Variants in OR4A5 observed in about 807,000 individuals in gnomAD.
OR4A5 encodes the protein olfactory receptor family 4 subfamily A member 5.
For synonymous variants in OR4A5, 245 were observed against 138.5 expected (o/e 1.77, Z -5.40); for missense variants, 684 against 381.6 (o/e 1.79, Z -6.60).
chr11:54,707,282 T>G lies in OR4A5; in HGVS notation c.398T>G (p.Ile133Ser), dbSNP rs374446240. The change falls in exon 1 of 1, where the codon ATC becomes AGC. Residue 133 changes from isoleucine to serine, a missense_variant. Ile to Ser is a moderately radical substitution (Grantham distance 142). Transcript: ENST00000319760. The part of the protein sequence containing the change: ...AICKPLHYLT[I>S]MNRQVCFLLL... Reference sequence around the variant, plus strand: ...TGTAAGCCACTGCACTATTTGACCATCATGAATCGACAGGTTTGCTTCCTT... The same window carrying G: ...TGTAAGCCACTGCACTATTTGACCAGCATGAATCGACAGGTTTGCTTCCTT... The G allele has an allele frequency of 1.2e-6, 2 of 1,613,656 alleles. No homozygotes were observed. The highest frequency in any genetic ancestry group is 2.7e-5 in the African/African-American group (2 of 74,920).
At position 54,707,611 on chromosome 11, in the gene OR4A5, GTTGTT is replaced by G; in HGVS notation, c.728_732del (p.Val243GlyfsTer13). ...GTCTACCTGCAGCTCCGGCAGTACC[GTTGTT>G]GTCCTCTTTTTTGTACCCTGTATTT... is the stretch of plus-strand genomic sequence containing the variant. On this transcript the variant is annotated frameshift_variant, in exon 1 of 1. Transcript: ENST00000319760. LOFTEE classifies it low-confidence loss of function (END_TRUNC). The G allele has an allele frequency of 1.2e-6, 2 of 1,612,272 alleles. No individual in the cohort carries two copies. Among genetic ancestry groups the G allele is most frequent in the South Asian group, 2.2e-5 (2 of 90,870 alleles).
chr11:54,707,489 C>A lies in OR4A5; in HGVS notation c.605C>A (p.Ala202Glu), dbSNP rs772948435. The A allele has an allele frequency of 7.4e-6, 12 of 1,613,390 alleles. No homozygotes were observed. The highest frequency in any genetic ancestry group is 1.6e-4 in the Middle Eastern group (1 of 6,078). The change falls in exon 1 of 1, where the codon GCA becomes GAA. Residue 202 changes from alanine (A) to glutamate (E), a missense_variant. Coordinates refer to ENST00000319760, the MANE Select transcript of OR4A5 (RefSeq NM_001005272.3). The stretch of plus-strand genomic sequence containing the variant: ...CTCACTGTTGTTGTCAATAGTGGAG[C>A]AATCTGTATGGTCATTTTCAACCTT... ...IGLTVVVNSG[A>E]ICMVIFNLLL...
At position 54,707,442 on chromosome 11, in the gene OR4A5, C is replaced by T. The variant is rs773036525; in HGVS notation, c.558C>T (p.Cys186=). 3 of 1,613,460 alleles carry T rather than the reference C, an allele frequency of 1.9e-6. No homozygotes were observed. The highest frequency in any genetic ancestry group is 1.7e-6 in the Non-Finnish European group (2 of 1,179,834). Residue 186 remains cysteine (C), a synonymous_variant, in exon 1 of 1, where the codon TGC becomes TGT. Transcript: ENST00000319760. The stretch of plus-strand genomic sequence containing the variant: ...TGCACCCATTACTGGAACTGGCATG[C>T]ACTGACACCTACTTTATAGGCCTCA... ...CDMHPLLELA[C]TDTYFIGLTV...
chr11:54,707,421 C>T lies in OR4A5; in HGVS notation c.537C>T (p.His179=). Residue 179 remains histidine, a synonymous_variant, in exon 1 of 1, where the codon CAC becomes CAT. Coordinates refer to ENST00000319760, the MANE Select transcript of OR4A5 (RefSeq NM_001005272.3). The part of the protein sequence containing the change: ...NVIVHFSCDM[H]PLLELACTDT... ...TTGTTCATTTCAGTTGTGACATGCA[C>T]CCATTACTGGAACTGGCATGCACTG... 6.2e-7 allele frequency: 1 copy of T among 1,613,472 alleles called. No individual in the cohort carries two copies. The highest frequency in any genetic ancestry group is 1.7e-4 in the Middle Eastern group (1 of 6,056).
Position 54,706,909 on chromosome 11 carries a change from G to A in OR4A5, c.25G>A (p.Glu9Lys), listed in dbSNP as rs575024810. 16 of 1,609,792 alleles carry A rather than the reference G, an allele frequency of 9.9e-6. No homozygotes were observed. In the South Asian group the frequency reaches 1.7e-4, roughly 17 times the overall value. MRQNNNITEFVLLGFSQDP... is the reference protein window; with the variant it reads MRQNNNITKFVLLGFSQDP... Reference sequence around the variant, plus strand: ...AATGAGACAGAATAACAATATTACAGAATTTGTCCTCCTGGGCTTTTCTCA... The same window carrying A: ...AATGAGACAGAATAACAATATTACAAAATTTGTCCTCCTGGGCTTTTCTCA... The change falls in exon 1 of 1, where the codon GAA becomes AAA. Residue 9 changes from glutamate (E) to lysine (K), a missense_variant. Transcript: ENST00000319760.
At position 54,707,823 on chromosome 11, in the gene OR4A5, C is replaced by T. The variant is rs1413190152; in HGVS notation, c.939C>T (p.Val313=). 3.5e-6 allele frequency: 5 copies of T among 1,443,966 alleles called. No homozygotes were observed. The highest frequency in any genetic ancestry group is 2.6e-5 in the South Asian group (2 of 77,000). The allele number at this position is 1,443,966 out of a possible 1,614,324, so 89.4% of individuals were successfully genotyped here. ...LTIFIIGGVS[V]LM is the part of the protein sequence containing the mutation. The stretch of plus-strand genomic sequence containing the variant: ...TATTTATTATAGGAGGAGTGTCCGT[C>T]CTCATGTAGGTAAGGAGGTATGTAG... The change falls in exon 1 of 1, where the codon GTC becomes GTT. Residue 313 remains valine, a synonymous_variant. Coordinates refer to ENST00000319760, the MANE Select transcript of OR4A5 (RefSeq NM_001005272.3).
rs774275992 is a variant in OR4A5, at chr11:54,707,440, T to G, written c.556T>G (p.Cys186Gly). The change falls in exon 1 of 1, where the codon TGC becomes GGC. Residue 186 changes from cysteine (C) to glycine (G), a missense_variant. Coordinates refer to ENST00000319760, the MANE Select transcript of OR4A5 (RefSeq NM_001005272.3). Reference sequence around the variant, plus strand: ...CATGCACCCATTACTGGAACTGGCATGCACTGACACCTACTTTATAGGCCT... The same window carrying G: ...CATGCACCCATTACTGGAACTGGCAGGCACTGACACCTACTTTATAGGCCT... ...CDMHPLLELA[C>G]TDTYFIGLTV... The G allele has an allele frequency of 6.2e-7, 1 of 1,613,540 alleles. No individual in the cohort carries two copies. Among genetic ancestry groups the G allele is most frequent in the Non-Finnish European group, 8.5e-7 (1 of 1,179,862 alleles).
rs767900197 is a variant in OR4A5 at position 54,707,130 on chromosome 11, C to A, written c.246C>A (p.Gly82=). The change falls in exon 1 of 1, where the codon GGC becomes GGA. Residue 82 remains glycine, a synonymous_variant. Coordinates refer to ENST00000319760, the MANE Select transcript of OR4A5 (RefSeq NM_001005272.3). The part of the protein sequence containing the change: ...STTISPKLIV[G]LFCDKKTISF... ...CCATTTCTCCCAAGTTAATTGTAGG[C>A]TTATTCTGTGATAAAAAGACTATTT... The A allele has an allele frequency of 7.4e-6, 12 of 1,613,550 alleles. No individual in the cohort carries two copies. The highest frequency in any genetic ancestry group is 1.3e-5 in the African/African-American group (1 of 74,882).
rs1358967843 is a variant in OR4A5 at position 54,707,479 on chromosome 11, A to G, written c.595A>G (p.Asn199Asp). Reference protein sequence around the residue: ...TYFIGLTVVVNSGAICMVIFN... With the variant: ...TYFIGLTVVVDSGAICMVIFN... ...CTTTATAGGCCTCACTGTTGTTGTC[A>G]ATAGTGGAGCAATCTGTATGGTCAT... The change falls in exon 1 of 1, where the codon AAT (asparagine) becomes GAT (aspartate). Residue 199 changes from asparagine to aspartate, a missense_variant. Physicochemically the swap from Asn to Asp is conservative, Grantham distance 23. Coordinates refer to ENST00000319760, the MANE Select transcript of OR4A5 (RefSeq NM_001005272.3). 2 of 1,613,592 alleles carry G rather than the reference A, an allele frequency of 1.2e-6. No individual in the cohort carries two copies. Among genetic ancestry groups the G allele is most frequent in the Non-Finnish European group, 1.7e-6 (2 of 1,179,858 alleles).
Position 54,707,348 on chromosome 11 carries a change from C to G in OR4A5, c.464C>G (p.Ala155Gly). The part of the protein sequence containing the change: ...VAMIGGFVHS[A>G]FQIVVYSLPF... ...ATGATTGGAGGTTTTGTACATTCTG[C>G]GTTTCAAATTGTTGTGTACAGTCTC... Residue 155 changes from alanine to glycine, a missense_variant, in exon 1 of 1, where the codon GCG (alanine) becomes GGG (glycine). By Grantham distance (60) the Ala-to-Gly change is moderately conservative (BLOSUM62 0). Coordinates refer to ENST00000319760, the MANE Select transcript of OR4A5 (RefSeq NM_001005272.3). 3 of 1,613,582 alleles carry G rather than the reference C, an allele frequency of 1.9e-6. No individual in the cohort carries two copies. The highest frequency in any genetic ancestry group is 2.5e-6 in the Non-Finnish European group (3 of 1,179,850).
rs751744955 is a variant in OR4A5 at position 54,707,693 on chromosome 11, T to C, written c.809T>C (p.Val270Ala). ...TTTCCTACTGATAAGTTCATGACTG[T>C]GTTTTATACCATTATCACACACATG... ...SNFPTDKFMT[V>A]FYTIITHMLS... Residue 270 changes from valine (V) to alanine (A), a missense_variant, in exon 1 of 1, where the codon GTG (valine) becomes GCG (alanine). Transcript: ENST00000319760. 3 of 1,608,236 alleles carry C rather than the reference T, an allele frequency of 1.9e-6. No homozygotes were observed. Among genetic ancestry groups the C allele is most frequent in the Non-Finnish European group, 2.6e-6 (3 of 1,175,250 alleles).
chr11:54,707,054 T>A lies in OR4A5; in HGVS notation c.170T>A (p.Met57Lys). The change falls in exon 1 of 1, where the codon ATG becomes AAG. Residue 57 changes from methionine (M) to lysine (K), a missense_variant. Transcript: ENST00000319760. ...IIASPSLGSP[M>K]YFFLACLSFI... ...GCCAGCCCTTCCTTGGGTTCCCCAATGTATTTCTTCCTTGCCTGCCTGTCA... is the reference window on the plus strand; with the variant it reads ...GCCAGCCCTTCCTTGGGTTCCCCAAAGTATTTCTTCCTTGCCTGCCTGTCA... The A allele has an allele frequency of 1.2e-6, 2 of 1,613,732 alleles. No homozygotes were observed. The highest frequency in any genetic ancestry group is 1.7e-4 in the Middle Eastern group (1 of 6,050).
At position 54,707,273 on chromosome 11, in the gene OR4A5, A is replaced by T. The variant is rs1854051273; in HGVS notation, c.389A>T (p.Tyr130Phe). The T allele has an allele frequency of 6.2e-7, 1 of 1,613,630 alleles. No individual in the cohort carries two copies. Among genetic ancestry groups the T allele is most frequent in the Non-Finnish European group, 8.5e-7 (1 of 1,179,858 alleles). Residue 130 changes from tyrosine to phenylalanine, a missense_variant, in exon 1 of 1, where the codon TAT becomes TTT. Transcript: ENST00000319760. ...GTGGCCATCTGTAAGCCACTGCACT[A>T]TTTGACCATCATGAATCGACAGGTT... ...RYVAICKPLH[Y>F]LTIMNRQVCF...
rs780653407 is a variant in OR4A5 at position 54,707,411 on chromosome 11, G to T, written c.527G>T (p.Cys176Phe). 6.2e-7 allele frequency: 1 copy of T among 1,613,384 alleles called. No homozygotes were observed. Reference protein sequence around the residue: ...CGPNVIVHFSCDMHPLLELAC... With the variant: ...CGPNVIVHFSFDMHPLLELAC... ...CCCAATGTCATTGTTCATTTCAGTT[G>T]TGACATGCACCCATTACTGGAACTG... Residue 176 changes from cysteine (C) to phenylalanine (F), a missense_variant, in exon 1 of 1, where the codon TGT becomes TTT. Transcript: ENST00000319760.
Position 54,706,962 on chromosome 11 carries a change from T to A in OR4A5, c.78T>A (p.Phe26Leu), listed in dbSNP as rs1854044022. 1 of 1,613,102 alleles carries A rather than the reference T, an allele frequency of 6.2e-7. No individual in the cohort carries two copies. Among genetic ancestry groups the A allele is most frequent in the East Asian group, 2.2e-5 (1 of 44,744 alleles). The change falls in exon 1 of 1, where the codon TTT (phenylalanine) becomes TTA (leucine). Residue 26 changes from phenylalanine to leucine, a missense_variant. By Grantham distance (22) the Phe-to-Leu change is conservative. Transcript: ENST00000319760. ...ATCCTGGTGTGCAAAAAGCATTATT[T>A]GTCATGTTTTTACTCACATACTTGG... Reference protein sequence around the residue: ...SQDPGVQKALFVMFLLTYLVT... With the variant: ...SQDPGVQKALLVMFLLTYLVT...
Position 54,707,204 on chromosome 11 carries a change from G to A in OR4A5, c.320G>A (p.Gly107Glu), listed in dbSNP as rs368103058. The A allele has an allele frequency of 2.5e-6, 4 of 1,613,746 alleles. No individual in the cohort carries two copies. The highest frequency in any genetic ancestry group is 2.2e-5 in the South Asian group (2 of 91,082). Residue 107 changes from glycine (G) to glutamate (E), a missense_variant, in exon 1 of 1, where the codon GGG (glycine) becomes GAG (glutamate). Gly to Glu is a moderately conservative substitution (Grantham distance 98). Coordinates refer to ENST00000319760, the MANE Select transcript of OR4A5 (RefSeq NM_001005272.3). The part of the protein sequence containing the change: ...GQLFIDHFFG[G>E]AEVFLLVVMA... ...CTATTTATAGACCATTTCTTTGGTG[G>A]GGCTGAGGTCTTCCTTCTGGTGGTG... is the stretch of plus-strand genomic sequence containing the variant.
Position 54,707,311 on chromosome 11 carries a change from T to A in OR4A5, c.427T>A (p.Leu143Met). Residue 143 changes from leucine (L) to methionine (M), a missense_variant, in exon 1 of 1, where the codon TTG becomes ATG. Physicochemically the swap from Leu to Met is conservative, Grantham distance 15 (BLOSUM62 2). Coordinates refer to ENST00000319760, the MANE Select transcript of OR4A5 (RefSeq NM_001005272.3). ...IMNRQVCFLL[L>M]VVAMIGGFVH... is the part of the protein sequence containing the mutation. The stretch of plus-strand genomic sequence containing the variant: ...GAATCGACAGGTTTGCTTCCTTCTG[T>A]TGGTGGTGGCCATGATTGGAGGTTT... 6.2e-7 allele frequency: 1 copy of A among 1,613,786 alleles called. No individual in the cohort carries two copies. Among genetic ancestry groups the A allele is most frequent in the Non-Finnish European group, 8.5e-7 (1 of 1,179,900 alleles).
chr11:54,707,214 C>A lies in OR4A5; in HGVS notation c.330C>A (p.Val110=), dbSNP rs5002409. Residue 110 remains valine (V), a synonymous_variant, in exon 1 of 1, where the codon GTC becomes GTA. Transcript: ENST00000319760. The part of the protein sequence containing the change: ...FIDHFFGGAE[V]FLLVVMACDR... ...ACCATTTCTTTGGTGGGGCTGAGGT[C>A]TTCCTTCTGGTGGTGATGGCCTGTG... 2.2e-5 allele frequency: 36 copies of A among 1,613,626 alleles called. No individual in the cohort carries two copies. Among genetic ancestry groups the A allele is most frequent in the African/African-American group, 1.3e-4 (10 of 74,920 alleles).
At position 54,707,041 on chromosome 11, in the gene OR4A5, T is replaced by A. The variant is rs1487997327; in HGVS notation, c.157T>A (p.Leu53Met). 1 of 1,613,754 alleles carries A rather than the reference T, an allele frequency of 6.2e-7. No individual in the cohort carries two copies. The highest frequency in any genetic ancestry group is 8.5e-7 in the Non-Finnish European group (1 of 1,179,874). Reference sequence around the variant, plus strand: ...GGTGGATATTATTGCCAGCCCTTCCTTGGGTTCCCCAATGTATTTCTTCCT... The same window carrying A: ...GGTGGATATTATTGCCAGCCCTTCCATGGGTTCCCCAATGTATTTCTTCCT... ...IVVDIIASPS[L>M]GSPMYFFLAC... Residue 53 changes from leucine to methionine, a missense_variant, in exon 1 of 1, where the codon TTG becomes ATG. Coordinates refer to ENST00000319760, the MANE Select transcript of OR4A5 (RefSeq NM_001005272.3).
Sources: gnomAD v4.1 joint callset for allele counts on GRCh38, gnomAD v4.1.1 for gene constraint, MANE v1.5 for transcripts, NCBI Gene and HGNC (gene_info 2026-07-23, HGNC 2026-07-21) for gene names.